The following AGAP3 variants were observed in gnomAD, a reference collection of about 807,000 sequenced individuals.
The protein encoded by AGAP3 is ArfGAP with GTPase domain, ankyrin repeat and PH domain 3, also known as arf-GAP with GTPase, ANK repeat and PH domain-containing protein 3.
AGAP3 carries 24 observed loss-of-function variants against 96.9 expected under a neutral mutation model. The ratio of observed to expected loss-of-function variants is 0.25; its 90% CI spans 0.18 to 0.35. AGAP3 has a LOEUF of 0.35. AGAP3 is among the 10% of genes least tolerant of loss of function. The probability of loss-of-function intolerance (pLI) is 1.00; values close to 1 mark genes in which losing one functional copy is unlikely to be tolerated. For missense variants in AGAP3, 876 were observed against 1,254.2 expected, an observed-to-expected ratio of 0.70 and a Z score of 4.55; for synonymous variants, 563 against 536.1, an observed-to-expected ratio of 1.05 and a Z score of -0.69.
intron 1 of AGAP3, among the ~76,000 whole-genome samples, chr7:151,091,879 C>T (rs771324245): frequency 6.6e-6 from 1 of 152,084 alleles, no homozygotes; most frequent in South Asian, 2.1e-4. Flanking sequence ...GTGTGCCAGG[C>T]CTGGGGGTCC....
rs73476760 is a variant in AGAP3 at position 151,118,259 on chromosome 7, C to T, written c.756C>T (p.Arg252=). Reference sequence around the variant, plus strand: ...GGGTTATCGACGACAGCAGAGCCCGCAAGCTCTCCACAGATCTGAAGCGGT... The same window carrying T: ...GGGTTATCGACGACAGCAGAGCCCGTAAGCTCTCCACAGATCTGAAGCGGT... ...NPRVIDDSRA[R]KLSTDLKRCT... Residue 252 remains arginine, a synonymous_variant, in exon 6 of 18, where the codon CGC becomes CGT. Coordinates refer to ENST00000397238, the MANE Select transcript of AGAP3 (RefSeq NM_031946.7). This position sits in a 1 kb window ranked among gnomAD's most constrained non-coding sequence, Gnocchi z 6.1. 7,867 of 1,613,276 alleles carry T rather than the reference C, an allele frequency of 4.9e-3. 311 individuals are homozygous for T. In the African/African-American group the frequency reaches 0.086, roughly 18 times the overall value.
At chr7:151,121,947 A>C (rs1450279199) in intron 8 of AGAP3, among the ~76,000 whole-genome samples, 1 of 151,478 alleles carries the variant, frequency 6.6e-6, no homozygotes, top group Non-Finnish European at 1.5e-5. Flanking sequence ...GTGGCTAGTG[A>C]CCCCCTACTG....
chr7:151,137,340 G>A (rs763050362), intron 11 of AGAP3, among the ~76,000 whole-genome samples: 5 of 151,818 alleles, frequency 3.3e-5, no homozygotes, highest in South Asian at 2.1e-4. Context: ...CCTCAGGTTC[G>A]GCCCCCGTGT....
In AGAP3 at chr7:151,140,369, A is replaced by G. The variant is rs549497851; in HGVS notation, c.1804+253A>G. The G allele has an allele frequency of 1.3e-4, 44 of 330,986 alleles. No individual in the cohort carries two copies. The highest frequency in any genetic ancestry group is 6.9e-4 in the African/African-American group (32 of 46,656). The allele number at this position is 330,986 out of a possible 1,614,324, so 20.5% of individuals were successfully genotyped here. A position where few individuals can be genotyped will look rare whatever the true frequency, so the allele number is the denominator to read the frequency against. ...TTCATTTATTCTTAAGGTAAAAGAC[A>G]GCAGACTGCTACATCAATAGCTCCT... On this transcript the variant is annotated intron_variant, in intron 13 of 17. Coordinates refer to ENST00000397238, the MANE Select transcript of AGAP3 (RefSeq NM_031946.7). The surrounding 1 kb of genome is among the most constrained non-coding windows in gnomAD (Gnocchi z 5.4).
intron 1 of AGAP3, chr7:151,116,543 C>G (rs939509521): frequency 3.6e-6 from 2 of 551,992 alleles, no homozygotes; most frequent in Admixed American, 6.5e-5. Context: ...GACACAGGGC[C>G]GAAACCAGGG....
intron 1 of AGAP3, among the ~76,000 whole-genome samples, chr7:151,110,505 G>A (rs1799235749): frequency 6.6e-6 from 1 of 152,042 alleles, no homozygotes; most frequent in African/African-American, 2.4e-5. Context: ...AGGAGCACAC[G>A]GGGCACTGGA....
chr7:151,132,135 G>C lies in AGAP3; in HGVS notation c.1327-2265G>C, dbSNP rs77913227. ...CGGGGCCAGTGGCCTGCAGCCCAGGGTGCTGGAGAAGGATGGATGGAGGTA... is the reference window on the plus strand; with the variant it reads ...CGGGGCCAGTGGCCTGCAGCCCAGGCTGCTGGAGAAGGATGGATGGAGGTA... On this transcript the variant is annotated intron_variant, in intron 10 of 17. Transcript: ENST00000397238. 2.6e-5 allele frequency among the ~76,000 whole-genome samples: 4 copies of C among 152,302 alleles called. No individual in the cohort carries two copies. In the East Asian group the frequency reaches 7.8e-4, roughly 30 times the overall value.
chr7:151,113,920 C>T (rs925734159), intron 1 of AGAP3, among the ~76,000 whole-genome samples: 2 of 152,162 alleles, frequency 1.3e-5, no homozygotes, highest in Non-Finnish European at 2.9e-5. Context: ...GTACCGCAGG[C>T]TACCACTTGA....
rs751828291 is a variant in AGAP3 at position 151,118,242 on chromosome 7, G to A, written c.739G>A (p.Asp247Asn). ...CAGCGCTGCGAATCCCCGGGTTATC[G>A]ACGACAGCAGAGCCCGCAAGCTCTC... Reference protein sequence around the residue: ...AISAANPRVIDDSRARKLSTD... With the variant: ...AISAANPRVINDSRARKLSTD... The change falls in exon 6 of 18, where the codon GAC (aspartate) becomes AAC (asparagine). Residue 247 changes from aspartate to asparagine, a missense_variant. This residue lies in a region of AGAP3 where 131 missense variants were observed against 304.5 expected (regional missense o/e 0.43). Transcript: ENST00000397238. The surrounding 1 kb of genome is among the most constrained non-coding windows in gnomAD (Gnocchi z 6.1). 5 of 1,612,364 alleles carry A rather than the reference G, an allele frequency of 3.1e-6. No individual in the cohort carries two copies. Among genetic ancestry groups the A allele is most frequent in the Non-Finnish European group, 4.2e-6 (5 of 1,178,574 alleles).
chr7:151,113,035 T>G (rs1467471780), intron 1 of AGAP3, among the ~76,000 whole-genome samples: 3 of 152,170 alleles, frequency 2.0e-5, no homozygotes, highest in Non-Finnish European at 4.4e-5. Context: ...CGCCCGACCC[T>G]TTGCTTGCAT....
chr7:151,105,837 AG>A, intron 1 of AGAP3, among the ~76,000 whole-genome samples: 1 of 105,374 alleles, frequency 9.5e-6, no homozygotes, highest in Non-Finnish European at 1.8e-5. Context: ...CACACAGTCA[AG>A]CATTGCCACC....
intron 7 of AGAP3, chr7:151,119,073 G>A (rs967069924): frequency 2.1e-5 from 4 of 192,696 alleles, no homozygotes; most frequent in Non-Finnish European, 3.2e-5. Flanking sequence ...CTTCAGGGCT[G>A]TGAGAAGGCG....
At chr7:151,115,561 G>T (rs1447500529) in intron 1 of AGAP3, 18 of 1,128,360 alleles carry the variant, frequency 1.6e-5, no homozygotes, top group Non-Finnish European at 2.0e-5. Flanking sequence ...AGCCGCTTCC[G>T]CCGGAGGGAG....
At chr7:151,122,657 G>T in intron 8 of AGAP3, 2 of 1,594,458 alleles carry the variant, frequency 1.3e-6, no homozygotes, top group Non-Finnish European at 1.7e-6. Context: ...TGCCCTCACC[G>T]GTGCTGACCG....
chr7:151,087,461 G>C (rs1378913676), intron 1 of AGAP3, among the ~76,000 whole-genome samples: 2 of 152,196 alleles, frequency 1.3e-5, no homozygotes, highest in East Asian at 1.9e-4. Flanking sequence ...TGGGGCGGGG[G>C]ATCGGAGCCT....
Position 151,144,006 on chromosome 7 carries a change from G to A in AGAP3, c.*63G>A. 6.7e-7 allele frequency: 1 copy of A among 1,496,338 alleles called. No individual in the cohort carries two copies. The highest frequency in any genetic ancestry group is 9.2e-7 in the Non-Finnish European group (1 of 1,086,934). The allele number at this position is 1,496,338 out of a possible 1,614,324, so 92.7% of individuals were successfully genotyped here. ...TGGCCCAAAGACCCTCCTCCCTGCA[G>A]GCACTGTGGGAACAGACACAGAGAT... is the stretch of plus-strand genomic sequence containing the variant. On this transcript the variant is annotated 3_prime_UTR_variant, in exon 18 of 18. Transcript: ENST00000397238.
intron 11 of AGAP3, among the ~76,000 whole-genome samples, chr7:151,137,276 CT>C (rs1800633710): frequency 1.3e-5 from 2 of 152,242 alleles, no homozygotes; most frequent in South Asian, 4.1e-4. Context: ...CCCTTCTCTG[CT>C]TTCCCACTAA....
chr7:151,122,887 C>T lies in AGAP3; in HGVS notation c.1129-907C>T, dbSNP rs1433058423. 3.9e-6 allele frequency: 6 copies of T among 1,544,270 alleles called. No individual in the cohort carries two copies. In the East Asian group the frequency reaches 7.0e-5, roughly 18 times the overall value. On this transcript the variant is annotated intron_variant, in intron 8 of 17. Coordinates refer to ENST00000397238, the MANE Select transcript of AGAP3 (RefSeq NM_031946.7). ...CTGCTCTCAGATGAGAAGCGGCCGCCGAGCTCCCCACTCCAGAGACCCACG... is the reference window on the plus strand; with the variant it reads ...CTGCTCTCAGATGAGAAGCGGCCGCTGAGCTCCCCACTCCAGAGACCCACG...
Position 151,086,675 on chromosome 7 carries a change from C to T in AGAP3, c.-67C>T, listed in dbSNP as rs1300172714. 941 of 119,226 alleles carry T rather than the reference C, an allele frequency of 7.9e-3. 11 individuals carry two copies. The highest frequency in any genetic ancestry group is 0.038 in the African/African-American group (875 of 23,152). The allele number at this position is 119,226 out of a possible 1,614,324, so 7.4% of individuals were successfully genotyped here. ...CCGCGCTCCCGCTCGCCGCTGCCGC[C>T]GCCGCCGCCGCCGCCGCCTCCGCCG... is the stretch of plus-strand genomic sequence containing the variant. On this transcript the variant is annotated 5_prime_UTR_variant, in exon 1 of 18. Transcript: ENST00000397238.
Sources: gnomAD v4.1 joint callset for allele counts (sites outside exome capture counted in the v4.1 genomes callset) on GRCh38, gnomAD v4.1.1 for gene constraint, gnomAD v4.1.1 regional missense constraint, Gnocchi (gnomAD v3.1) non-coding constraint, MANE v1.5 for transcripts, NCBI Gene and HGNC (gene_info 2026-07-23, HGNC 2026-07-21) for gene names.